The following ASXL2 variants were observed in gnomAD, a reference collection of about 807,000 sequenced individuals.
The protein encoded by ASXL2 is ASXL transcriptional regulator 2.
ASXL2 carries 23 observed loss-of-function variants against 122.0 expected under a neutral mutation model. The ratio of observed to expected loss-of-function variants is 0.19; its 90% CI spans 0.14 to 0.27. The LOEUF (loss-of-function observed/expected upper bound fraction) is 0.27. Among genes scored for constraint, ASXL2 ranks in the 10% least tolerant of loss-of-function variants. ASXL2 has a pLI of 1.00. For synonymous variants in ASXL2, 650 were observed against 637.0 expected (o/e 1.02, Z -0.31); for missense variants, 1,518 against 1,713.8 (o/e 0.89, Z 2.02).
intron 3 of ASXL2, among the ~76,000 whole-genome samples, chr2:25,807,142 C>T (rs1205597261): frequency 6.6e-6 from 1 of 152,174 alleles, no homozygotes; most frequent in Non-Finnish European, 1.5e-5. Flanking sequence ...GGTCTGAAGT[C>T]TCTGGAGATG....
At chr2:25,756,764 C>T (rs1226629908) in intron 9 of ASXL2, among the ~76,000 whole-genome samples, 3 of 152,152 alleles carry the variant, frequency 2.0e-5, no homozygotes, top group South Asian at 4.1e-4. Context: ...AAAGTAGTTA[C>T]GGACAATACG....
chr2:25,767,710 C>T lies in ASXL2; in HGVS notation c.648G>A (p.Lys216=), dbSNP rs2088376518. Residue 216 remains lysine, a synonymous_variant, in exon 8 of 13, where the codon AAG becomes AAA. Coordinates refer to ENST00000435504, the MANE Select transcript of ASXL2 (RefSeq NM_018263.6). The part of the protein sequence containing the change: ...VPAKPATWEG[K]QSDGQTGSPQ... ...GGCTGCCTGTCTGTCCATCAGATTGCTTTCCTTCCCATGTTGCTAGGAGAA... is the reference window on the plus strand; with the variant it reads ...GGCTGCCTGTCTGTCCATCAGATTGTTTTCCTTCCCATGTTGCTAGGAGAA... The T allele has an allele frequency of 6.2e-7, 1 of 1,613,922 alleles. No individual in the cohort carries two copies. The highest frequency in any genetic ancestry group is 1.1e-5 in the South Asian group (1 of 91,082).
intron 1 of ASXL2, among the ~76,000 whole-genome samples, chr2:25,863,350 A>T (rs922016307): frequency 6.7e-6 from 1 of 149,238 alleles, no homozygotes; most frequent in South Asian, 2.1e-4. Flanking sequence ...AAAAATTCTC[A>T]CAGCAGGAAG....
At chr2:25,771,588 C>G (rs1156573557) in intron 5 of ASXL2, 48 bp from the exon 6 acceptor site, 1 of 1,446,572 alleles carries the variant, frequency 6.9e-7, no homozygotes, top group African/African-American at 1.4e-5. Context: ...ACAGAGATAC[C>G]AAGCACCATT....
At position 25,849,746 on chromosome 2, in the gene ASXL2, T is replaced by C. The variant is rs866153838; in HGVS notation, c.58-4183A>G. 1.5e-4 allele frequency among the ~76,000 whole-genome samples: 23 copies of C among 152,224 alleles called. No individual in the cohort carries two copies. In the Middle Eastern group the frequency reaches 0.01, roughly 68 times the overall value. ...GTAGAGATGGGGTTTTGCCATGTTG[T>C]CCAGGCTGGTCTCAAATTCCTGGGC... On this transcript the variant is annotated intron_variant, in intron 1 of 12. Coordinates refer to ENST00000435504, the MANE Select transcript of ASXL2 (RefSeq NM_018263.6).
At chr2:25,792,050 G>A (rs1439845229) in intron 5 of ASXL2, among the ~76,000 whole-genome samples, 1 of 152,194 alleles carries the variant, frequency 6.6e-6, no homozygotes, top group Non-Finnish European at 1.5e-5. Flanking sequence ...AGGCTGGAAT[G>A]CAGTGGTCCC....
chr2:25,819,501 AATC>A (rs2089281246), intron 3 of ASXL2, among the ~76,000 whole-genome samples: 1 of 152,234 alleles, frequency 6.6e-6, no homozygotes, highest in Non-Finnish European at 1.5e-5. Context: ...GGTACACTGA[AATC>A]ATGGAATCCA....
At position 25,750,162 on chromosome 2, in the gene ASXL2, AGCAGGG is replaced by A; in HGVS notation, c.1388_1393del (p.Pro463_Leu464del). 1 of 1,614,030 alleles carries A rather than the reference AGCAGGG, an allele frequency of 6.2e-7. No individual in the cohort carries two copies. Among genetic ancestry groups the A allele is most frequent in the East Asian group, 2.2e-5 (1 of 44,890 alleles). ...CTCATGTGTATTGAGAGCTGAGGAA[AGCAGGG>A]GCTCTGAAGATGTGGAGAAGTTCGG... On this transcript the variant is annotated inframe_deletion, in exon 12 of 13. Coordinates refer to ENST00000435504, the MANE Select transcript of ASXL2 (RefSeq NM_018263.6).
intron 5 of ASXL2, among the ~76,000 whole-genome samples, chr2:25,784,582 C>A (rs2088707827): frequency 6.6e-6 from 1 of 152,188 alleles, no homozygotes; most frequent in South Asian, 2.1e-4. Context: ...GATGTGTCAG[C>A]AAGGATGGTT....
At chr2:25,751,259 A>G (rs747833284) in intron 11 of ASXL2, among the ~76,000 whole-genome samples, 3 of 152,238 alleles carry the variant, frequency 2.0e-5, no homozygotes, top group Non-Finnish European at 4.4e-5. Flanking sequence ...GCAATAATCA[A>G]AAACAGTCTT....
chr2:25,786,827 C>T (rs2149164811), intron 5 of ASXL2, among the ~76,000 whole-genome samples: 1 of 152,020 alleles, frequency 6.6e-6, no homozygotes, highest in Non-Finnish European at 1.5e-5. Context: ...TGCACTCCAG[C>T]CTAGGTGACA....
chr2:25,790,404 A>C (rs2088813033), intron 5 of ASXL2, among the ~76,000 whole-genome samples: 1 of 151,756 alleles, frequency 6.6e-6, no homozygotes. Flanking sequence ...CAGAACTATT[A>C]AAAATAAGAC....
intron 8 of ASXL2, among the ~76,000 whole-genome samples, chr2:25,760,153 C>CA (rs1306333601): frequency 6.6e-6 from 1 of 151,080 alleles, no homozygotes; most frequent in Non-Finnish European, 1.5e-5. Context: ...TACAATCTTT[C>CA]AAAAAACTGA....
At chr2:25,784,256 T>TA (rs547251537) in intron 5 of ASXL2, among the ~76,000 whole-genome samples, 42 of 151,834 alleles carry the variant, frequency 2.8e-4, no homozygotes, top group Admixed American at 1.8e-3. Context: ...GTCTCCCAAC[T>TA]AAAAAAAGAA....
At chr2:25,756,204 G>GTA (rs2088129774) in intron 9 of ASXL2, 90 bp from the exon 10 acceptor site, 1 of 591,354 alleles carries the variant, frequency 1.7e-6, no homozygotes, top group Non-Finnish European at 2.7e-6. Context: ...ATAAAAGAAT[G>GTA]TATATATATT....
chr2:25,841,481 G>A lies in ASXL2; in HGVS notation c.140+4000C>T, dbSNP rs980037053. On this transcript the variant is annotated intron_variant, in intron 2 of 12. Coordinates refer to ENST00000435504, the MANE Select transcript of ASXL2 (RefSeq NM_018263.6). ...TCACTGCCTCTGGAGCTACCTTAAC[G>A]TAAGGTACAGAGAAATTGTATGTTT... 5.4e-4 allele frequency among the ~76,000 whole-genome samples: 82 copies of A among 152,132 alleles called. 1 individual carries two copies. Among genetic ancestry groups the A allele is most frequent in the African/African-American group, 1.8e-3 (73 of 41,482 alleles).
At chr2:25,851,764 G>A (rs1179635757) in intron 1 of ASXL2, among the ~76,000 whole-genome samples, 2 of 152,086 alleles carry the variant, frequency 1.3e-5, no homozygotes, top group Admixed American at 1.3e-4. Context: ...GGTGGCACAC[G>A]CCTGTTATCC....
At chr2:25,837,766 C>T (rs1344574136) in intron 2 of ASXL2, among the ~76,000 whole-genome samples, 2 of 151,804 alleles carry the variant, frequency 1.3e-5, no homozygotes, top group Non-Finnish European at 2.9e-5. Context: ...GGGAGAATCA[C>T]TTGAGGCTGG....
intron 8 of ASXL2, among the ~76,000 whole-genome samples, chr2:25,764,842 C>G (rs748159941): frequency 6.6e-6 from 1 of 152,180 alleles, no homozygotes; most frequent in Non-Finnish European, 1.5e-5. Flanking sequence ...AAAATGTTCA[C>G]TTCTTAAAAG....
Sources: gnomAD v4.1 joint callset for allele counts (sites outside exome capture counted in the v4.1 genomes callset) on GRCh38, gnomAD v4.1.1 for gene constraint, MANE v1.5 for transcripts, NCBI Gene and HGNC (gene_info 2026-07-23, HGNC 2026-07-21) for gene names.